Variants in CDH7 observed in about 807,000 individuals in gnomAD.
The protein encoded by CDH7 is cadherin-7.
In CDH7, 25 loss-of-function variants were observed where a neutral mutation model predicts 71.8. That is an observed-to-expected ratio of 0.35 (90% CI 0.25 to 0.49). The LOEUF is 0.49. Ranked by LOEUF, CDH7 falls within the 20% of genes least tolerant of loss-of-function variation. The pLI is 0.99. For missense variants in CDH7, 862 were observed against 974.6 expected (o/e 0.88, Z 1.54); for synonymous variants, 381 against 363.8 (o/e 1.05, Z -0.54).
intron 8 of CDH7, 83 bp from the exon 9 acceptor site, chr18:65,858,842 A>T: frequency 1.5e-6 from 2 of 1,375,114 alleles, no homozygotes; most frequent in East Asian, 2.3e-5. Context: ...TCTAGATTTC[A>T]TTCTCAGCTT....
At chr18:65,865,784 T>G (rs1913735021) in intron 11 of CDH7, 1 of 152,116 alleles carries the variant, frequency 6.6e-6, no homozygotes, top group Admixed American at 6.5e-5. Context: ...TCACAGGGGG[T>G]GCATGTGGGG....
Position 65,822,070 on chromosome 18 carries a change from A to C in CDH7, c.626-11A>C. On this transcript the variant is annotated splice_polypyrimidine_tract_variant and intron_variant, in intron 4 of 11. Coordinates refer to ENST00000397968, the MANE Select transcript of CDH7 (RefSeq NM_004361.5). The stretch of plus-strand genomic sequence containing the variant: ...TCATGATGAGTTTTACTGGGATTTG[A>C]AATTTTACAGGAGTCATCAAGACTG... The C allele has an allele frequency of 6.2e-7, 1 of 1,608,726 alleles. No homozygotes were observed. Among genetic ancestry groups the C allele is most frequent in the Non-Finnish European group, 8.5e-7 (1 of 1,175,228 alleles).
chr18:65,789,016 A>G (rs1910612480), intron 2 of CDH7, among the ~76,000 whole-genome samples: 1 of 152,222 alleles, frequency 6.6e-6, no homozygotes, highest in Non-Finnish European at 1.5e-5. Context: ...TTAAACAAAT[A>G]TTTATAGTTT....
intron 11 of CDH7, among the ~76,000 whole-genome samples, chr18:65,875,105 G>C (rs2144062258): frequency 6.6e-6 from 1 of 152,296 alleles, no homozygotes; most frequent in South Asian, 2.1e-4. Flanking sequence ...TATCATTAGT[G>C]TTAGTGTATT....
At chr18:65,801,501 A>G (rs534713448) in intron 2 of CDH7, among the ~76,000 whole-genome samples, 1 of 152,348 alleles carries the variant, frequency 6.6e-6, no homozygotes, top group African/African-American at 2.4e-5. Flanking sequence ...CTAAATAAAT[A>G]TTACCGAATA....
chr18:65,857,917 C>T lies in CDH7; in HGVS notation c.1337C>T (p.Ala446Val). ...TAKSLDRETNAIHNITVLAME... is the reference protein window; with the variant it reads ...TAKSLDRETNVIHNITVLAME... ...AAGTCTTTGGATCGAGAGACAAATG[C>T]TATTCACAATATCACAGTCCTTGCA... Residue 446 changes from alanine (A) to valine (V), a missense_variant, in exon 8 of 12, where the codon GCT becomes GTT. By Grantham distance (64) the Ala-to-Val change is moderately conservative (BLOSUM62 0). Transcript: ENST00000397968. 6.2e-7 allele frequency: 1 copy of T among 1,613,622 alleles called. No individual in the cohort carries two copies. The highest frequency in any genetic ancestry group is 8.5e-7 in the Non-Finnish European group (1 of 1,179,698).
chr18:65,776,401 C>CACACACAG (rs1370490839), intron 2 of CDH7, among the ~76,000 whole-genome samples: 1 of 124,676 alleles, frequency 8.0e-6, no homozygotes, highest in African/African-American at 3.4e-5. Context: ...CACACACACA[C>CACACACAG]AGAGAGAGAG....
chr18:65,868,532 G>A (rs184347187), intron 11 of CDH7, among the ~76,000 whole-genome samples: 6 of 152,294 alleles, frequency 3.9e-5, no homozygotes, highest in Non-Finnish European at 7.4e-5. Flanking sequence ...ACAGGTTTGT[G>A]GATATTACAG....
Position 65,877,785 on chromosome 18 carries a change from CTA to C in CDH7, c.1865-2614_1865-2613del, listed in dbSNP as rs367568572. Among the ~76,000 whole-genome samples, 433 of 152,212 alleles carry C rather than the reference CTA, an allele frequency of 2.8e-3. 4 individuals are homozygous for C. The highest frequency in any genetic ancestry group is 9.2e-3 in the African/African-American group (381 of 41,544). ...TACAATTGCTTTCATTTTGGGGAAA[CTA>C]TGTGAAAAATTTCAGAAACTAAAGT... On this transcript the variant is annotated intron_variant, in intron 11 of 11. Coordinates refer to ENST00000397968, the MANE Select transcript of CDH7 (RefSeq NM_004361.5).
Position 65,883,079 on chromosome 18 carries a change from A to C in CDH7, c.*2185A>C, listed in dbSNP as rs1047655671. The C allele has an allele frequency of 6.6e-6, 1 of 152,024 alleles. No individual in the cohort carries two copies. The highest frequency in any genetic ancestry group is 2.4e-5 in the African/African-American group (1 of 41,416). The allele number at this position is 152,024 out of a possible 1,614,324, so 9.4% of individuals were successfully genotyped here. On this transcript the variant is annotated 3_prime_UTR_variant, in exon 12 of 12. Transcript: ENST00000397968. Reference sequence around the variant, plus strand: ...TTTAAAATGTGTGTTTTTTCTCATTAATTTTTTCAAATGGTTACCAATGAT... The same window carrying C: ...TTTAAAATGTGTGTTTTTTCTCATTCATTTTTTCAAATGGTTACCAATGAT...
chr18:65,884,913 A>C lies in CDH7; in HGVS notation c.*4019A>C, dbSNP rs1914329017. On this transcript the variant is annotated 3_prime_UTR_variant, in exon 12 of 12. Transcript: ENST00000397968. The stretch of plus-strand genomic sequence containing the variant: ...ACCTAATCCAATTGAAGTTGATGAA[A>C]GCTTCAACTTATTTTTTAACTCTTT... The C allele has an allele frequency of 6.6e-6, 1 of 152,214 alleles. No individual in the cohort carries two copies. Among genetic ancestry groups the C allele is most frequent in the Admixed American group, 6.5e-5 (1 of 15,276 alleles). 9.4% of individuals were successfully genotyped at this position (152,214 alleles called of 1,614,324 possible). A position where few individuals can be genotyped will look rare whatever the true frequency, so the allele number is the denominator to read the frequency against.
chr18:65,864,889 TAAAAAAAAAA>T (rs1191269381), intron 11 of CDH7, among the ~76,000 whole-genome samples: 2 of 85,960 alleles, frequency 2.3e-5, no homozygotes, highest in African/African-American at 9.2e-5. Context: ...AGACTCCATC[TAAAAAAAAAA>T]AAAAAAAAAA....
intron 1 of CDH7, among the ~76,000 whole-genome samples, chr18:65,761,568 A>T: frequency 6.6e-6 from 1 of 150,602 alleles, no homozygotes; most frequent in African/African-American, 2.4e-5. Context: ...TAGGCAAATG[A>T]TACTTCTTTG....
intron 7 of CDH7, among the ~76,000 whole-genome samples, chr18:65,853,926 T>TATCC (rs1555689501): frequency 3.2e-4 from 30 of 95,062 alleles, no homozygotes; most frequent in African/African-American, 1.2e-3. Flanking sequence ...TATATATATA[T>TATCC]ATATATATAT....
At chr18:65,831,809 G>GAAA (rs71167154) in intron 6 of CDH7, among the ~76,000 whole-genome samples, 3 of 146,362 alleles carry the variant, frequency 2.0e-5, no homozygotes, top group Admixed American at 6.8e-5. Context: ...AAATTCTGAA[G>GAAA]AAAAAAAAAA....
At chr18:65,774,965 A>G (rs1032241543) in intron 2 of CDH7, among the ~76,000 whole-genome samples, 33 of 152,186 alleles carry the variant, frequency 2.2e-4, no homozygotes, top group Non-Finnish European at 4.4e-5. Context: ...CAAAGCGAAG[A>G]TAGTAAGAAG....
chr18:65,815,329 GT>G (rs1911687894), intron 4 of CDH7, among the ~76,000 whole-genome samples: 1 of 151,968 alleles, frequency 6.6e-6, no homozygotes, highest in Non-Finnish European at 1.5e-5. Context: ...GCGGGTGTGT[GT>G]CACTGATTTT....
At position 65,781,138 on chromosome 18, in the gene CDH7, A is replaced by T. The variant is rs1233867983; in HGVS notation, c.210+18086A>T. Among the ~76,000 whole-genome samples, 4 of 152,176 alleles carry T rather than the reference A, an allele frequency of 2.6e-5. No homozygotes were observed. The East Asian group carries it at 7.7e-4, about 29-fold the overall frequency. On this transcript the variant is annotated intron_variant, in intron 2 of 11. Coordinates refer to ENST00000397968, the MANE Select transcript of CDH7 (RefSeq NM_004361.5). Reference sequence around the variant, plus strand: ...TGCATCTCTTTCAGTGTTTTAGGAGAAACATCTGGCAGAACTTAAATTCGA... The same window carrying T: ...TGCATCTCTTTCAGTGTTTTAGGAGTAACATCTGGCAGAACTTAAATTCGA...
chr18:65,823,660 G>T (rs538366401), intron 5 of CDH7, among the ~76,000 whole-genome samples: 7 of 151,880 alleles, frequency 4.6e-5, no homozygotes, highest in Admixed American at 1.3e-4. Context: ...AAAACAAACA[G>T]TAACTATTCA....
Sources: allele counts gnomAD v4.1 joint callset (sites outside exome capture counted in the v4.1 genomes callset), GRCh38; gene constraint gnomAD v4.1.1; transcripts MANE v1.5; gene names NCBI Gene and HGNC (gene_info 2026-07-23, HGNC 2026-07-21).